The following NPLOC4 variants were observed in gnomAD, a reference collection of about 807,000 sequenced individuals.
NPLOC4 encodes nuclear protein localization protein 4 homolog.
Under a neutral mutation model 80.6 loss-of-function variants are expected in NPLOC4, and 18 were observed. The observed-to-expected ratio is 0.22, with a 90% CI of 0.15 to 0.33. The LOEUF (loss-of-function observed/expected upper bound fraction) is 0.33, where lower values mean the gene tolerates loss of function less well. NPLOC4 is among the 10% of genes least tolerant of loss of function. NPLOC4 has a pLI of 1.00. For missense variants in NPLOC4, 540 were observed against 786.1 expected (o/e 0.69, Z 3.74); for synonymous variants, 313 against 301.5 (o/e 1.04, Z -0.39).
intron 16 of NPLOC4, among the ~76,000 whole-genome samples, chr17:81,561,105 G>A (rs983856530): frequency 7.2e-5 from 11 of 152,022 alleles, no homozygotes; most frequent in African/African-American, 2.2e-4. Context: ...TTACAGGCAC[G>A]TGCCACCACA....
At chr17:81,601,710 T>C (rs1046350709) in intron 8 of NPLOC4, among the ~76,000 whole-genome samples, 9 of 152,182 alleles carry the variant, frequency 5.9e-5, no homozygotes, top group African/African-American at 2.2e-4. Flanking sequence ...TCTACTGCCA[T>C]CTAGTGTCTC....
intron 12 of NPLOC4, among the ~76,000 whole-genome samples, chr17:81,574,139 A>G (rs2034230972): frequency 6.6e-6 from 1 of 152,252 alleles, no homozygotes; most frequent in Non-Finnish European, 1.5e-5. Context: ...CCTACAAGAA[A>G]TAAACCTGCA....
At chr17:81,629,653 G>A (rs2035881868) in intron 2 of NPLOC4, 72 bp downstream of exon 2, 3 of 1,137,866 alleles carry the variant, frequency 2.6e-6, no homozygotes, top group Non-Finnish European at 4.0e-6. Flanking sequence ...GAGGAAAAGA[G>A]AAAAGGTATC....
At chr17:81,607,128 C>T (rs1420013280) in intron 6 of NPLOC4, among the ~76,000 whole-genome samples, 2 of 152,176 alleles carry the variant, frequency 1.3e-5, no homozygotes, top group East Asian at 3.8e-4. Context: ...TGTAGAATAT[C>T]TACTGATCTC....
intron 3 of NPLOC4, among the ~76,000 whole-genome samples, chr17:81,618,424 C>T (rs2035566041): frequency 6.6e-6 from 1 of 152,024 alleles, no homozygotes; most frequent in Non-Finnish European, 1.5e-5. Flanking sequence ...CGCCCCGCAG[C>T]CGCCCCGTCT....
rs772723509 is a variant in NPLOC4, at chr17:81,613,308, G to A, written c.386+10C>T. The A allele has an allele frequency of 1.2e-6, 2 of 1,607,194 alleles. No individual in the cohort carries two copies. Among genetic ancestry groups the A allele is most frequent in the Non-Finnish European group, 1.7e-6 (2 of 1,176,806 alleles). On this transcript the variant is annotated intron_variant, in intron 4 of 16. Transcript: ENST00000331134. ...ACAAGTAGGACCCTGGAATCTCATG[G>A]ATCACTTACAGCTGTGGGTCTCGGC...
At chr17:81,564,089 C>G (rs1335097934) in intron 16 of NPLOC4, 2 of 303,672 alleles carry the variant, frequency 6.6e-6, no homozygotes, top group East Asian at 2.1e-4. Flanking sequence ...TCAAAACACA[C>G]ACACACACAC....
Position 81,636,963 on chromosome 17 carries a change from G to A in NPLOC4, c.-33C>T. ...GCTCCTGCCTCCGGGCTCGAGCCCC[G>A]GGCCGCCGCCGCCTGCCGCCCCAAG... is the stretch of plus-strand genomic sequence containing the variant. On this transcript the variant is annotated 5_prime_UTR_variant, in exon 1 of 17. Coordinates refer to ENST00000331134, the MANE Select transcript of NPLOC4 (RefSeq NM_017921.4). 1.6e-6 allele frequency: 2 copies of A among 1,265,910 alleles called. No homozygotes were observed. The highest frequency in any genetic ancestry group is 2.0e-6 in the Non-Finnish European group (2 of 1,004,146). 78.4% of individuals were successfully genotyped at this position (1,265,910 alleles called of 1,614,324 possible).
chr17:81,622,051 A>G (rs2144296907), intron 3 of NPLOC4, 115 bp downstream of exon 3: 2 of 737,388 alleles, frequency 2.7e-6, no homozygotes, highest in Middle Eastern at 3.4e-4. Context: ...TGGTCAGTTG[A>G]TAAGACCATA....
At chr17:81,608,957 G>A in intron 5 of NPLOC4, 135 bp from the exon 6 acceptor site, 1 of 617,474 alleles carries the variant, frequency 1.6e-6, no homozygotes, top group Non-Finnish European at 2.9e-6. Context: ...GCAGGTACTA[G>A]GGTCTCCCTT....
intron 3 of NPLOC4, among the ~76,000 whole-genome samples, chr17:81,619,406 G>A (rs565136644): frequency 1.5e-4 from 22 of 151,642 alleles, no homozygotes; most frequent in Non-Finnish European, 2.5e-4. Context: ...AAAATTAGCC[G>A]GGCGTGGTGG....
At chr17:81,585,665 G>GGC (rs1568132051) in intron 12 of NPLOC4, among the ~76,000 whole-genome samples, 53 of 147,286 alleles carry the variant, frequency 3.6e-4, no homozygotes, top group African/African-American at 1.3e-3. Flanking sequence ...CATTTCTGGG[G>GGC]GGGGGGGGAA....
At chr17:81,615,592 G>C (rs2035460021) in intron 3 of NPLOC4, among the ~76,000 whole-genome samples, 1 of 152,196 alleles carries the variant, frequency 6.6e-6, no homozygotes, top group Non-Finnish European at 1.5e-5. Flanking sequence ...CAGCAACACA[G>C]AACTCAGAGC....
Position 81,604,689 on chromosome 17 carries a change from G to A in NPLOC4, c.693C>T (p.His231=). The A allele has an allele frequency of 4.3e-6, 7 of 1,613,722 alleles. No individual in the cohort carries two copies. The highest frequency in any genetic ancestry group is 5.1e-6 in the Non-Finnish European group (6 of 1,179,762). The change falls in exon 8 of 17, where the codon CAC becomes CAT. Residue 231 remains histidine (H), a synonymous_variant. Coordinates refer to ENST00000331134, the MANE Select transcript of NPLOC4 (RefSeq NM_017921.4). ...AGTCAAGAAAGCGGTCAGCGACGGT[G>A]TGATTCTCAAACATGATATTGTCCA... ...RHVDNIMFEN[H]TVADRFLDFW...
intron 12 of NPLOC4, among the ~76,000 whole-genome samples, chr17:81,583,284 A>G (rs1231902029): frequency 6.6e-6 from 1 of 152,282 alleles, no homozygotes; most frequent in East Asian, 1.9e-4. Context: ...AGGAAGAACC[A>G]AAGGCCATCA....
At chr17:81,631,521 T>C (rs1295958936) in intron 1 of NPLOC4, among the ~76,000 whole-genome samples, 3 of 150,250 alleles carry the variant, frequency 2.0e-5, no homozygotes, top group Non-Finnish European at 3.0e-5. Context: ...CAAAGGGCAT[T>C]ACTTTCTAAG....
rs553302854 is a variant in NPLOC4, at chr17:81,604,865, C to A, written c.655-138G>T. 1.3e-5 allele frequency: 10 copies of A among 771,242 alleles called. No individual in the cohort carries two copies. The East Asian group carries it at 2.7e-4, about 21-fold the overall frequency. 47.8% of individuals were successfully genotyped at this position (771,242 alleles called of 1,614,324 possible). On this transcript the variant is annotated intron_variant, in intron 7 of 16. Coordinates refer to ENST00000331134, the MANE Select transcript of NPLOC4 (RefSeq NM_017921.4). ...ACCAATAGGGTGTGATGGTGCATGC[C>A]TGTGGTCCCAGATACTCAGGAGGCC... is the stretch of plus-strand genomic sequence containing the variant.
intron 6 of NPLOC4, among the ~76,000 whole-genome samples, chr17:81,607,312 T>C (rs1457242818): frequency 6.6e-6 from 1 of 151,792 alleles, no homozygotes; most frequent in African/African-American, 2.4e-5. Flanking sequence ...TAAAAACTAC[T>C]GTTGAAGACT....
At chr17:81,595,523 T>C (rs1024265692) in intron 11 of NPLOC4, among the ~76,000 whole-genome samples, 6 of 95,042 alleles carry the variant, frequency 6.3e-5, no homozygotes, top group Admixed American at 2.2e-4. Flanking sequence ...TACATATACA[T>C]ATATATATAT....
Sources: allele counts gnomAD v4.1 joint callset (sites outside exome capture counted in the v4.1 genomes callset), GRCh38; gene constraint gnomAD v4.1.1; transcripts MANE v1.5; gene names NCBI Gene and HGNC (gene_info 2026-07-23, HGNC 2026-07-21).